Variants in RSPH14 observed in about 807,000 individuals in gnomAD.
The protein encoded by RSPH14 is radial spoke head 14 homolog, also known as rhabdoid tumor deletion region gene 1.
Under a neutral mutation model 26.7 loss-of-function variants are expected in RSPH14, and 20 were observed. That is an observed-to-expected ratio of 0.75 (90% CI 0.53 to 1.09). The LOEUF (loss-of-function observed/expected upper bound fraction) is 1.09, where lower values mean the gene tolerates loss of function less well. Among genes scored for constraint, RSPH14 ranks in the 50% least tolerant of loss-of-function variants. RSPH14 has a pLI of 0.00. For missense variants in RSPH14, 449 were observed against 457.2 expected (o/e 0.98, Z 0.16); for synonymous variants, 177 against 189.3 (o/e 0.93, Z 0.53).
chr22:23,061,796 C>G lies in RSPH14; in HGVS notation c.790+13G>C. 2 of 1,613,794 alleles carry G rather than the reference C, an allele frequency of 1.2e-6. No individual in the cohort carries two copies. The highest frequency in any genetic ancestry group is 1.7e-6 in the Non-Finnish European group (2 of 1,179,980). ...TAGGGTCTCCCTCCCTGCGGCACCC[C>G]CCACCGCCTCACCTTCAGTGATCAC... On this transcript the variant is annotated intron_variant, in intron 6 of 6. Transcript: ENST00000216036.
chr22:23,064,404 C>T (rs2068160167), intron 4 of RSPH14, among the ~76,000 whole-genome samples: 1 of 152,184 alleles, frequency 6.6e-6, no homozygotes. Flanking sequence ...TCTCAGGGGG[C>T]ATCTACCATA....
At chr22:23,132,264 C>T (rs1441399989) in intron 4 of RSPH14, among the ~76,000 whole-genome samples, 1 of 152,220 alleles carries the variant, frequency 6.6e-6, no homozygotes, top group Non-Finnish European at 1.5e-5. Context: ...TGTTTGTCCA[C>T]CTTGAGCTAA....
chr22:23,074,793 CCT>C (rs2068470058), intron 4 of RSPH14, among the ~76,000 whole-genome samples: 1 of 152,144 alleles, frequency 6.6e-6, no homozygotes, highest in Admixed American at 6.5e-5. Context: ...GAGCAGGTCC[CCT>C]GTGTCAAGCA....
At chr22:23,117,213 C>T (rs915907994) in intron 4 of RSPH14, among the ~76,000 whole-genome samples, 3 of 150,250 alleles carry the variant, frequency 2.0e-5, no homozygotes, top group African/African-American at 7.4e-5. Context: ...ACAGAGGGAC[C>T]GGCTGTAAGG....
the RSPH14 span, among the ~76,000 whole-genome samples, chr22:23,164,556 T>C: frequency 1.3e-5 from 2 of 152,200 alleles, no homozygotes; most frequent in African/African-American, 4.8e-5. Context: ...GATGATTTAA[T>C]GAAGACATTT....
At chr22:23,145,642 CCG>C, upstream of RSPH14, 1 of 1,371,484 alleles carries the variant, frequency 7.3e-7, no homozygotes, top group Non-Finnish European at 9.8e-7. Flanking sequence ...GGCACAGCGT[CCG>C]CGCCCACTTC....
chr22:23,071,812 C>T lies in RSPH14; in HGVS notation c.422-7679G>A, dbSNP rs984544017. On this transcript the variant is annotated intron_variant, in intron 4 of 6. Coordinates refer to ENST00000216036, the MANE Select transcript of RSPH14 (RefSeq NM_014433.3). This position sits in a 1 kb window ranked among gnomAD's most constrained non-coding sequence, Gnocchi z 4.1. ...TGGAGCTTGAAGGACATGGGCACAGCTAAGCTGGGCATTGTGGGCAGAGAG... is the reference window on the plus strand; with the variant it reads ...TGGAGCTTGAAGGACATGGGCACAGTTAAGCTGGGCATTGTGGGCAGAGAG... Among the ~76,000 whole-genome samples, 2 of 152,178 alleles carry T rather than the reference C, an allele frequency of 1.3e-5. No individual in the cohort carries two copies. Among genetic ancestry groups the T allele is most frequent in the Admixed American group, 1.3e-4 (2 of 15,284 alleles).
intron 4 of RSPH14, among the ~76,000 whole-genome samples, chr22:23,100,177 A>T (rs1431765797): frequency 1.3e-5 from 2 of 152,184 alleles, no homozygotes; most frequent in Non-Finnish European, 2.9e-5. Flanking sequence ...CCAGCAGCAC[A>T]GGGAACTGGG....
In RSPH14 at chr22:23,094,246, T is replaced by A. The variant is rs545601569; in HGVS notation, c.422-30113A>T. The stretch of plus-strand genomic sequence containing the variant: ...GCAAGAGGGGTGCGTGTGAGTTGGG[T>A]GGGGCCTGGTGCCACCCTGGGCTCA... On this transcript the variant is annotated intron_variant, in intron 4 of 6. Transcript: ENST00000216036. Among the ~76,000 whole-genome samples the A allele has an allele frequency of 4.6e-5, 7 of 152,136 alleles. No individual in the cohort carries two copies. The South Asian group carries it at 1.0e-3, about 23-fold the overall frequency.
At chr22:23,132,320 C>T (rs1198318958) in intron 4 of RSPH14, among the ~76,000 whole-genome samples, 2 of 152,130 alleles carry the variant, frequency 1.3e-5, no homozygotes, top group African/African-American at 2.4e-5. Flanking sequence ...AAATAATTCC[C>T]TCGTCTAAAA....
the RSPH14 span, chr22:23,152,959 G>A: frequency 3.8e-6 from 4 of 1,054,030 alleles, no homozygotes; most frequent in South Asian, 5.2e-5. Flanking sequence ...CTAAAGACTT[G>A]CAGTGTTACA....
the RSPH14 span, chr22:23,162,444 T>TC: frequency 2.8e-6 from 1 of 359,030 alleles, no homozygotes; most frequent in Admixed American, 3.4e-5. Flanking sequence ...CTGCTGCCTC[T>TC]CCATCCCTCT....
chr22:23,114,017 G>A (rs74919816), intron 4 of RSPH14, among the ~76,000 whole-genome samples: 9,329 of 152,278 alleles, frequency 0.061, 981 homozygotes, highest in African/African-American at 0.21. Context: ...GGCCCAGAGG[G>A]GTGAGAGGCT....
chr22:23,172,948 T>TAA, the RSPH14 span, among the ~76,000 whole-genome samples: 26 of 140,090 alleles, frequency 1.9e-4, 1 homozygote, highest in East Asian at 5.4e-3. Flanking sequence ...AGACTGCATC[T>TAA]AAAAAAAAAA....
chr22:23,098,263 G>C (rs1242471371), intron 4 of RSPH14, among the ~76,000 whole-genome samples: 2 of 152,178 alleles, frequency 1.3e-5, no homozygotes, highest in South Asian at 4.1e-4. Flanking sequence ...CCTGCCTCTC[G>C]TACCCCTGCC....
upstream of RSPH14, chr22:23,145,378 G>A: frequency 6.2e-7 from 1 of 1,607,418 alleles, no homozygotes; most frequent in Non-Finnish European, 8.5e-7. Context: ...GGTGATCGCC[G>A]GTGCAAGCTG....
At chr22:23,060,529 C>G (rs2068073298) in intron 6 of RSPH14, among the ~76,000 whole-genome samples, 1 of 152,122 alleles carries the variant, frequency 6.6e-6, no homozygotes, top group Non-Finnish European at 1.5e-5. Flanking sequence ...TCTTGAGCAC[C>G]TACTCTGCAC....
chr22:23,068,687 A>G (rs1437141890), intron 4 of RSPH14, among the ~76,000 whole-genome samples: 3 of 152,254 alleles, frequency 2.0e-5, no homozygotes, highest in South Asian at 2.1e-4. Context: ...CAGACTCTGC[A>G]GTGGAAACAG....
chr22:23,152,222 G>A, the RSPH14 span, among the ~76,000 whole-genome samples: 14 of 152,222 alleles, frequency 9.2e-5, no homozygotes, highest in African/African-American at 2.9e-4. Context: ...CTCAGGATGG[G>A]GACTTTGGCC....
Sources: gnomAD v4.1 joint callset for allele counts (sites outside exome capture counted in the v4.1 genomes callset) on GRCh38, gnomAD v4.1.1 for gene constraint, Gnocchi (gnomAD v3.1) non-coding constraint, MANE v1.5 for transcripts, NCBI Gene and HGNC (gene_info 2026-07-23, HGNC 2026-07-21) for gene names.